The following PARP16 variants were observed in gnomAD, a reference collection of about 807,000 sequenced individuals.
PARP16 encodes the protein poly(ADP-ribose) polymerase family member 16.
In PARP16, 31 loss-of-function variants were observed where a neutral mutation model predicts 35.0. The observed-to-expected ratio is 0.88, with a 90% confidence interval of 0.66 to 1.19. The LOEUF is 1.19. Ranked by LOEUF, PARP16 falls within the 50% of genes most tolerant of loss-of-function variation. The pLI is 0.00. For missense variants in PARP16, 424 were observed against 411.2 expected, an observed-to-expected ratio of 1.03 and a Z score of -0.27; for synonymous variants, 162 against 169.5, an observed-to-expected ratio of 0.96 and a Z score of 0.34.
In PARP16 at chr15:65,274,740, T is replaced by C. The variant is rs1461053181; in HGVS notation, c.175-3668A>G. Among the ~76,000 whole-genome samples, 2 of 152,136 alleles carry C rather than the reference T, an allele frequency of 1.3e-5. 1 individual carries two copies. The highest frequency in any genetic ancestry group is 2.9e-5 in the Non-Finnish European group (2 of 68,026). Reference sequence around the variant, plus strand: ...AGCATCTACTTTGTGCCAGGCCCTGTGCTTATAGGAGGAGGCATTAGATTT... The same window carrying C: ...AGCATCTACTTTGTGCCAGGCCCTGCGCTTATAGGAGGAGGCATTAGATTT... On this transcript the variant is annotated intron_variant, in intron 1 of 5. Transcript: ENST00000649807.
intron 1 of PARP16, among the ~76,000 whole-genome samples, chr15:65,277,996 TA>T (rs1288877101): frequency 6.6e-6 from 1 of 152,132 alleles, no homozygotes; most frequent in East Asian, 1.9e-4. Flanking sequence ...TCCAGGAGAA[TA>T]ATTATCCAAG....
chr15:65,242,750 G>A (rs117885425), intron 3 of PARP16, among the ~76,000 whole-genome samples: 4 of 151,948 alleles, frequency 2.6e-5, no homozygotes, highest in East Asian at 1.9e-4. Context: ...AGTCCTGCTC[G>A]GCTGGCCAGG....
At chr15:65,246,230 A>C (rs984165648) in intron 3 of PARP16, among the ~76,000 whole-genome samples, 5 of 152,170 alleles carry the variant, frequency 3.3e-5, no homozygotes, top group African/African-American at 1.2e-4. Context: ...TTGGGAGAGC[A>C]TAAGAGCTGC....
chr15:65,255,227 A>C (rs1393316491), downstream of PARP16, among the ~76,000 whole-genome samples: 1 of 151,860 alleles, frequency 6.6e-6, no homozygotes, highest in African/African-American at 2.4e-5. Context: ...AGGTACCCAG[A>C]GGCCTCACAC....
intron 3 of PARP16, chr15:65,248,100 G>A (rs191414192): frequency 3.1e-4 from 139 of 450,684 alleles, no homozygotes; most frequent in African/African-American, 2.7e-3. Context: ...CACCGCTCCC[G>A]GCCGGATTGT....
At chr15:65,232,170 G>C (rs1036291613), downstream of PARP16, among the ~76,000 whole-genome samples, 5 of 152,092 alleles carry the variant, frequency 3.3e-5, no homozygotes, top group African/African-American at 7.2e-5. Context: ...TTTCTCTTAA[G>C]AATAGGGAAA....
At chr15:65,244,120 G>C (rs1046397826) in intron 3 of PARP16, among the ~76,000 whole-genome samples, 2 of 152,044 alleles carry the variant, frequency 1.3e-5, no homozygotes, top group Non-Finnish European at 2.9e-5. Flanking sequence ...TTGCATGGTC[G>C]TTTCTCATTC....
chr15:65,266,658 G>C lies in PARP16; in HGVS notation c.423C>G (p.Thr141=). 6.2e-7 allele frequency: 1 copy of C among 1,614,014 alleles called. No homozygotes were observed. Among genetic ancestry groups the C allele is most frequent in the Non-Finnish European group, 8.5e-7 (1 of 1,179,944 alleles). ...CATAGATTAGGTCTCGTTCTCCTTT[G>C]GTCTCATAAAATTTGGCGTTGGCTG... ...FDPANAKFYE[T]KGERDLIYAF... is the part of the protein sequence containing the mutation. Residue 141 remains threonine (T), a synonymous_variant, in exon 3 of 6, where the codon ACC becomes ACG. Transcript: ENST00000649807.
intron 3 of PARP16, among the ~76,000 whole-genome samples, chr15:65,245,858 A>T (rs1309613452): frequency 6.6e-6 from 1 of 152,146 alleles, no homozygotes; most frequent in African/African-American, 2.4e-5. Context: ...TACTTTGGCC[A>T]CAACCCATTG....
chr15:65,246,877 T>A (rs934703437), intron 3 of PARP16, among the ~76,000 whole-genome samples: 1 of 152,202 alleles, frequency 6.6e-6, no homozygotes, highest in African/African-American at 2.4e-5. Flanking sequence ...GAATTCAATT[T>A]GTCAACGTGT....
intron 1 of PARP16, among the ~76,000 whole-genome samples, chr15:65,279,405 GAAGGA>G (rs1411894090): frequency 6.6e-6 from 1 of 152,150 alleles, no homozygotes. Context: ...GGGATCGTTG[GAAGGA>G]AAGAGATGGC....
intron 1 of PARP16, among the ~76,000 whole-genome samples, chr15:65,275,534 T>TTAG (rs2090228763): frequency 6.6e-6 from 1 of 152,168 alleles, no homozygotes; most frequent in Non-Finnish European, 1.5e-5. Flanking sequence ...TACTCTAATG[T>TTAG]TAGTGTGACT....
chr15:65,251,454 A>C (rs1488128713), intron 2 of PARP16, among the ~76,000 whole-genome samples: 3 of 152,192 alleles, frequency 2.0e-5, no homozygotes. Context: ...GTCTGGCTTC[A>C]AGCACAACTG....
Position 65,259,339 on chromosome 15 carries a change from T to C in PARP16, c.*68A>G. ...GCTCAACCTGGCTGGACATGAGGCATAGGAGGTACAGAACAAGTTACCATA... is the reference window on the plus strand; with the variant it reads ...GCTCAACCTGGCTGGACATGAGGCACAGGAGGTACAGAACAAGTTACCATA... On this transcript the variant is annotated 3_prime_UTR_variant, in exon 6 of 6. Transcript: ENST00000649807. 1.3e-6 allele frequency: 2 copies of C among 1,538,068 alleles called. No homozygotes were observed. The highest frequency in any genetic ancestry group is 1.8e-6 in the Non-Finnish European group (2 of 1,114,778).
At chr15:65,245,979 T>G (rs2140752766) in intron 3 of PARP16, among the ~76,000 whole-genome samples, 1 of 152,274 alleles carries the variant, frequency 6.6e-6, no homozygotes. Context: ...GAGGGCCTTT[T>G]GCAGTTTAAG....
intron 2 of PARP16, among the ~76,000 whole-genome samples, chr15:65,249,372 C>A (rs2089294502): frequency 6.6e-6 from 1 of 152,170 alleles, no homozygotes; most frequent in Non-Finnish European, 1.5e-5. Flanking sequence ...GTGGGGGCCT[C>A]CTCTTAAGTG....
chr15:65,271,740 T>C (rs2140919082), intron 1 of PARP16, among the ~76,000 whole-genome samples: 1 of 152,324 alleles, frequency 6.6e-6, no homozygotes, highest in Middle Eastern at 3.4e-3. Context: ...TGTGACTGAA[T>C]ACATGATACA....
intron 1 of PARP16, among the ~76,000 whole-genome samples, chr15:65,283,478 CCTGTT>C (rs2090481808): frequency 6.6e-6 from 1 of 152,156 alleles, no homozygotes; most frequent in Non-Finnish European, 1.5e-5. Context: ...CTCATCTCTT[CCTGTT>C]CCCCACAACA....
chr15:65,238,904 G>A (rs1294788765), intron 3 of PARP16, among the ~76,000 whole-genome samples: 1 of 152,204 alleles, frequency 6.6e-6, no homozygotes, highest in African/African-American at 2.4e-5. Context: ...AGAGGCAGGA[G>A]CACTGCTTAA....
Sources: gnomAD v4.1 joint callset for allele counts (sites outside exome capture counted in the v4.1 genomes callset) on GRCh38, gnomAD v4.1.1 for gene constraint, MANE v1.5 for transcripts, NCBI Gene and HGNC (gene_info 2026-07-23, HGNC 2026-07-21) for gene names.